The following OR6C6 variants were observed in gnomAD, a reference collection of about 807,000 sequenced individuals.
The protein encoded by OR6C6 is olfactory receptor 6C6.
For missense variants in OR6C6, 411 were observed against 366.8 expected, an observed-to-expected ratio of 1.12 and a Z score of -0.98; for synonymous variants, 140 against 135.2, an observed-to-expected ratio of 1.04 and a Z score of -0.25.
At chr12:55,295,919 T>C (rs1384800944) in intron 1 of OR6C6, among the ~76,000 whole-genome samples, 1 of 152,008 alleles carries the variant, frequency 6.6e-6, no homozygotes, top group Non-Finnish European at 1.5e-5. Context: ...AAATTGTGTC[T>C]TCTTTTCAAT....
chr12:55,295,052 G>C lies in OR6C6; in HGVS notation c.181C>G (p.Leu61Val). Reference protein sequence around the residue: ...PRLKTPMYFFLRNFSFLEVIF... With the variant: ...PRLKTPMYFFVRNFSFLEVIF... Reference sequence around the variant, plus strand: ...ACTTCCAAAAAGGAGAAATTACGGAGAAAGAAATACATTGGCGTCTTGAGC... The same window carrying C: ...ACTTCCAAAAAGGAGAAATTACGGACAAAGAAATACATTGGCGTCTTGAGC... The change falls in exon 2 of 2, where the codon CTC (leucine) becomes GTC (valine). Residue 61 changes from leucine (L) to valine (V), a missense_variant. Coordinates refer to ENST00000358433, the MANE Select transcript of OR6C6 (RefSeq NM_001005493.2). 1 of 1,614,008 alleles carries C rather than the reference G, an allele frequency of 6.2e-7. No homozygotes were observed. Among genetic ancestry groups the C allele is most frequent in the South Asian group, 1.1e-5 (1 of 91,068 alleles).
chr12:55,295,082 G>A lies in OR6C6; in HGVS notation c.151C>T (p.Pro51Ser), dbSNP rs138420259. The change falls in exon 2 of 2, where the codon CCC becomes TCC. Residue 51 changes from proline (P) to serine (S), a missense_variant. Pro to Ser is a moderately conservative substitution (Grantham distance 74). Transcript: ENST00000358433. Reference sequence around the variant, plus strand: ...AAATACATTGGCGTCTTGAGCCGGGGATCCAGCAGGGTGAGGATGATGATG... The same window carrying A: ...AAATACATTGGCGTCTTGAGCCGGGAATCCAGCAGGGTGAGGATGATGATG... The part of the protein sequence containing the change: ...LIIIILTLLD[P>S]RLKTPMYFFL... The A allele has an allele frequency of 6.8e-4, 1,099 of 1,614,006 alleles. 1 individual carries two copies. Among genetic ancestry groups the A allele is most frequent in the Non-Finnish European group, 8.9e-4 (1,056 of 1,179,980 alleles).
In OR6C6 at chr12:55,294,571, TTAA is replaced by T; in HGVS notation, c.659_661del (p.Ile220del). 1 of 1,614,088 alleles carries T rather than the reference TTAA, an allele frequency of 6.2e-7. No individual in the cohort carries two copies. On this transcript the variant is annotated inframe_deletion, in exon 2 of 2. Transcript: ENST00000358433. ...TGCAGAAGAGAATTTCAGAATGGTC[TTAA>T]TAATGCAAGTGTAAGAGAGAATCAC...
In OR6C6 at chr12:55,295,033, A is replaced by G. The variant is rs78315631; in HGVS notation, c.200T>C (p.Leu67Ser). 1,090 of 1,613,962 alleles carry G rather than the reference A, an allele frequency of 6.8e-4. 23 individuals are homozygous for G. The East Asian group carries it at 0.024, about 36-fold the overall frequency. Residue 67 changes from leucine to serine, a missense_variant, in exon 2 of 2, where the codon TTG becomes TCG. Physicochemically the swap from Leu to Ser is moderately radical, Grantham distance 145. Coordinates refer to ENST00000358433, the MANE Select transcript of OR6C6 (RefSeq NM_001005493.2). ...MYFFLRNFSF[L>S]EVIFTTVCIP... is the part of the protein sequence containing the mutation. ...ACACACTGTTGTGAATATTACTTCC[A>G]AAAAGGAGAAATTACGGAGAAAGAA...
At position 55,294,230 on chromosome 12, in the gene OR6C6, C is replaced by A; in HGVS notation, c.*58G>T. The A allele has an allele frequency of 9.6e-7, 1 of 1,039,548 alleles. No homozygotes were observed. The highest frequency in any genetic ancestry group is 1.4e-6 in the Non-Finnish European group (1 of 692,352). 64.4% of individuals were successfully genotyped at this position (1,039,548 alleles called of 1,614,324 possible). On this transcript the variant is annotated 3_prime_UTR_variant, in exon 2 of 2. Coordinates refer to ENST00000358433, the MANE Select transcript of OR6C6 (RefSeq NM_001005493.2). ...AAAGTGCTGTGATTACAGGCATGAG[C>A]CACCATGCCAGGCCGTTTTCCAGTT...
At chr12:55,296,109 G>C (rs372844975) in intron 1 of OR6C6, among the ~76,000 whole-genome samples, 1 of 145,870 alleles carries the variant, frequency 6.9e-6, no homozygotes, top group Non-Finnish European at 1.5e-5. Flanking sequence ...TATTAAATGC[G>C]TCAGTCTACT....
chr12:55,294,079 G>T lies in OR6C6; in HGVS notation c.*209C>A. 2.4e-6 allele frequency: 1 copy of T among 416,606 alleles called. No individual in the cohort carries two copies. The highest frequency in any genetic ancestry group is 4.5e-5 in the East Asian group (1 of 22,068). The allele number at this position is 416,606 out of a possible 1,614,324, so 25.8% of individuals were successfully genotyped here. A position where few individuals can be genotyped will look rare whatever the true frequency, so the allele number is the denominator to read the frequency against. On this transcript the variant is annotated 3_prime_UTR_variant, in exon 2 of 2. Coordinates refer to ENST00000358433, the MANE Select transcript of OR6C6 (RefSeq NM_001005493.2). ...CTTGCCTCAGACTCCTGAGTAGCTG[G>T]GATTACAGGCACTCTCCACCACGCC...
rs750454046 is a variant in OR6C6 at position 55,294,928 on chromosome 12, A to G, written c.305T>C (p.Ile102Thr). Reference protein sequence around the residue: ...YNNCATQLFFILLPGVTEFYL... With the variant: ...YNNCATQLFFTLLPGVTEFYL... ...AAACTCAGTAACTCCCGGTAAAAGG[A>G]TAAAAAATAATTGAGTTGCACAATT... Residue 102 changes from isoleucine to threonine, a missense_variant, in exon 2 of 2, where the codon ATC (isoleucine) becomes ACC (threonine). Coordinates refer to ENST00000358433, the MANE Select transcript of OR6C6 (RefSeq NM_001005493.2). 1.9e-6 allele frequency: 3 copies of G among 1,614,008 alleles called. No homozygotes were observed. The highest frequency in any genetic ancestry group is 2.5e-6 in the Non-Finnish European group (3 of 1,179,992).
chr12:55,295,246 T>A lies in OR6C6; in HGVS notation c.-14A>T, dbSNP rs763150602. The A allele has an allele frequency of 2.6e-5, 40 of 1,523,510 alleles. No individual in the cohort carries two copies. In the East Asian group the frequency reaches 8.1e-4, roughly 31 times the overall value. 94.4% of individuals were successfully genotyped at this position (1,523,510 alleles called of 1,614,324 possible). On this transcript the variant is annotated 5_prime_UTR_variant, in exon 2 of 2. Transcript: ENST00000358433. ...TTTGTTCTTCATTTCTCTTTTGTGA[T>A]CCTTATCAAATCTACATAGAAAGGG...
In OR6C6 at chr12:55,294,914, C is replaced by G. The variant is rs764508423; in HGVS notation, c.319G>C (p.Val107Leu). The G allele has an allele frequency of 6.2e-7, 1 of 1,613,956 alleles. No individual in the cohort carries two copies. Among genetic ancestry groups the G allele is most frequent in the South Asian group, 1.1e-5 (1 of 91,082 alleles). Residue 107 changes from valine (V) to leucine (L), a missense_variant, in exon 2 of 2, where the codon GTT becomes CTT. Physicochemically the swap from Val to Leu is conservative, Grantham distance 32. Coordinates refer to ENST00000358433, the MANE Select transcript of OR6C6 (RefSeq NM_001005493.2). ...TQLFFILLPG[V>L]TEFYLLAAMS... ...GCAGCCAGGAGGTAAAACTCAGTAA[C>G]TCCCGGTAAAAGGATAAAAAATAAT...
In OR6C6 at chr12:55,294,568, G is replaced by A. The variant is rs539529734; in HGVS notation, c.665C>T (p.Thr222Ile). ...VILSYTCIIK[T>I]ILKFSSAQQR... is the part of the protein sequence containing the mutation. ...CTGTGCAGAAGAGAATTTCAGAATG[G>A]TCTTAATAATGCAAGTGTAAGAGAG... The change falls in exon 2 of 2, where the codon ACC becomes ATC. Residue 222 changes from threonine to isoleucine, a missense_variant. Transcript: ENST00000358433. 1.2e-6 allele frequency: 2 copies of A among 1,614,086 alleles called. No homozygotes were observed. The highest frequency in any genetic ancestry group is 2.2e-5 in the South Asian group (2 of 91,088).
Position 55,294,357 on chromosome 12 carries a change from G to T in OR6C6, c.876C>A (p.Asn292Lys). The T allele has an allele frequency of 6.2e-7, 1 of 1,613,412 alleles. No individual in the cohort carries two copies. ...LLNPFIYTLRNQQVKEVFWDV... is the reference protein window; with the variant it reads ...LLNPFIYTLRKQQVKEVFWDV... The stretch of plus-strand genomic sequence containing the variant: ...CCCAGAAGACTTCTTTCACCTGCTG[G>T]TTTCTGAGAGTATAAATGAAGGGAT... Residue 292 changes from asparagine (N) to lysine (K), a missense_variant, in exon 2 of 2, where the codon AAC becomes AAA. Physicochemically the swap from Asn to Lys is moderately conservative, Grantham distance 94. Coordinates refer to ENST00000358433, the MANE Select transcript of OR6C6 (RefSeq NM_001005493.2).
Position 55,294,864 on chromosome 12 carries a change from G to C in OR6C6, c.369C>G (p.Ala123=), listed in dbSNP as rs781231440. The part of the protein sequence containing the change: ...LAAMSYDRYV[A]ICKPLHYPII... The stretch of plus-strand genomic sequence containing the variant: ...TTGGATAATGCAGTGGTTTGCAGAT[G>C]GCAACGTAGCGGTCATAGGACATGG... The change falls in exon 2 of 2, where the codon GCC becomes GCG. Residue 123 remains alanine (A), a synonymous_variant. Coordinates refer to ENST00000358433, the MANE Select transcript of OR6C6 (RefSeq NM_001005493.2). The C allele has an allele frequency of 3.1e-6, 5 of 1,613,932 alleles. No homozygotes were observed. The highest frequency in any genetic ancestry group is 3.4e-6 in the Non-Finnish European group (4 of 1,180,004).
In OR6C6 at chr12:55,295,081, G is replaced by A. The variant is rs1783079750; in HGVS notation, c.152C>T (p.Pro51Leu). The change falls in exon 2 of 2, where the codon CCC (proline) becomes CTC (leucine). Residue 51 changes from proline (P) to leucine (L), a missense_variant. Transcript: ENST00000358433. ...LIIIILTLLDPRLKTPMYFFL... is the reference protein window; with the variant it reads ...LIIIILTLLDLRLKTPMYFFL... ...GAAATACATTGGCGTCTTGAGCCGGGGATCCAGCAGGGTGAGGATGATGAT... is the reference window on the plus strand; with the variant it reads ...GAAATACATTGGCGTCTTGAGCCGGAGATCCAGCAGGGTGAGGATGATGAT... The A allele has an allele frequency of 6.2e-7, 1 of 1,613,962 alleles. No homozygotes were observed. The highest frequency in any genetic ancestry group is 8.5e-7 in the Non-Finnish European group (1 of 1,179,988).
At position 55,294,855 on chromosome 12, in the gene OR6C6, T is replaced by C; in HGVS notation, c.378A>G (p.Lys126=). ...TCATAATGATTGGATAATGCAGTGG[T>C]TTGCAGATGGCAACGTAGCGGTCAT... The part of the protein sequence containing the change: ...MSYDRYVAIC[K]PLHYPIIMSS... The change falls in exon 2 of 2, where the codon AAA becomes AAG. Residue 126 remains lysine (K), a synonymous_variant. Coordinates refer to ENST00000358433, the MANE Select transcript of OR6C6 (RefSeq NM_001005493.2). 2 of 1,614,070 alleles carry C rather than the reference T, an allele frequency of 1.2e-6. No individual in the cohort carries two copies.
chr12:55,294,106 A>C lies in OR6C6; in HGVS notation c.*182T>G. 2.1e-6 allele frequency: 1 copy of C among 477,954 alleles called. No homozygotes were observed. Among genetic ancestry groups the C allele is most frequent in the East Asian group, 3.8e-5 (1 of 26,582 alleles). 29.6% of individuals were successfully genotyped at this position (477,954 alleles called of 1,614,324 possible). ...ATTACAGGCACTCTCCACCACGCCC[A>C]GCTAATTTTTGTACTTTTAAGTAGA... On this transcript the variant is annotated 3_prime_UTR_variant, in exon 2 of 2. Coordinates refer to ENST00000358433, the MANE Select transcript of OR6C6 (RefSeq NM_001005493.2).
In OR6C6 at chr12:55,295,049, G is replaced by A. The variant is rs372117452; in HGVS notation, c.184C>T (p.Arg62Cys). 43 of 1,613,844 alleles carry A rather than the reference G, an allele frequency of 2.7e-5. 1 individual carries two copies. The Middle Eastern group carries it at 2.8e-3, about 105-fold the overall frequency. Residue 62 changes from arginine (R) to cysteine (C), a missense_variant, in exon 2 of 2, where the codon CGT becomes TGT. By Grantham distance (180) the Arg-to-Cys change is radical. Coordinates refer to ENST00000358433, the MANE Select transcript of OR6C6 (RefSeq NM_001005493.2). Reference sequence around the variant, plus strand: ...ATTACTTCCAAAAAGGAGAAATTACGGAGAAAGAAATACATTGGCGTCTTG... The same window carrying A: ...ATTACTTCCAAAAAGGAGAAATTACAGAGAAAGAAATACATTGGCGTCTTG... ...RLKTPMYFFL[R>C]NFSFLEVIFT...
chr12:55,295,161 C>T lies in OR6C6; in HGVS notation c.72G>A (p.Val24=). The change falls in exon 2 of 2, where the codon GTG becomes GTA. Residue 24 remains valine, a synonymous_variant. Coordinates refer to ENST00000358433, the MANE Select transcript of OR6C6 (RefSeq NM_001005493.2). ...GLTDDPQLQI[V]IFLFLFLNYT... is the part of the protein sequence containing the mutation. The stretch of plus-strand genomic sequence containing the variant: ...AGTTGAGAAATAGAAACAGGAAAAT[C>T]ACAATTTGCAACTGTGGGTCATCTG... 6.2e-7 allele frequency: 1 copy of T among 1,613,708 alleles called. No homozygotes were observed. The highest frequency in any genetic ancestry group is 8.5e-7 in the Non-Finnish European group (1 of 1,179,786).
In OR6C6 at chr12:55,294,894, C is replaced by T. The variant is rs1257344573; in HGVS notation, c.339G>A (p.Leu113=). 5.6e-6 allele frequency: 9 copies of T among 1,613,800 alleles called. No homozygotes were observed. Among genetic ancestry groups the T allele is most frequent in the Non-Finnish European group, 7.6e-6 (9 of 1,179,964 alleles). Residue 113 remains leucine, a synonymous_variant, in exon 2 of 2, where the codon CTG becomes CTA. Transcript: ENST00000358433. ...CGTAGCGGTCATAGGACATGGCAGC[C>T]AGGAGGTAAAACTCAGTAACTCCCG... is the stretch of plus-strand genomic sequence containing the variant. The part of the protein sequence containing the change: ...LLPGVTEFYL[L]AAMSYDRYVA...
Sources: allele counts gnomAD v4.1 joint callset (sites outside exome capture counted in the v4.1 genomes callset), GRCh38; gene constraint gnomAD v4.1.1; transcripts MANE v1.5; gene names NCBI Gene and HGNC (gene_info 2026-07-23, HGNC 2026-07-21).